Variants in PDGFA observed in about 807,000 individuals in gnomAD.
The protein encoded by PDGFA is platelet derived growth factor subunit A, also known as platelet-derived growth factor subunit A.
A neutral mutation model predicts 25.6 loss-of-function variants in PDGFA; 9 were observed. The ratio of observed to expected loss-of-function variants is 0.35; its 90% CI spans 0.21 to 0.61. The LOEUF (loss-of-function observed/expected upper bound fraction) is 0.61. Among genes scored for constraint, PDGFA ranks in the 20% least tolerant of loss-of-function variants. The pLI, the probability that PDGFA is intolerant of heterozygous loss-of-function variation, is 0.75. For missense variants in PDGFA, 242 were observed against 272.8 expected, an observed-to-expected ratio of 0.89 and a Z score of 0.79; for synonymous variants, 133 against 111.8, an observed-to-expected ratio of 1.19 and a Z score of -1.20.
intron 4 of PDGFA, among the ~76,000 whole-genome samples, chr7:505,555 C>G (rs1180738371): frequency 6.6e-6 from 1 of 152,208 alleles, no homozygotes; most frequent in Non-Finnish European, 1.5e-5. Flanking sequence ...ACGGCCTGAC[C>G]CTTTCAAGGC....
At chr7:513,453 C>A (rs1046175163) in intron 2 of PDGFA, 3 of 152,174 alleles carry the variant, frequency 2.0e-5, no homozygotes, top group African/African-American at 4.8e-5. Context: ...GCGGGTGGCT[C>A]TGGGCCTCCT....
chr7:503,901 G>A (rs185344373), intron 4 of PDGFA, among the ~76,000 whole-genome samples: 63 of 152,264 alleles, frequency 4.1e-4, no homozygotes, highest in African/African-American at 1.5e-3. Flanking sequence ...AAGCGGCCAG[G>A]ACACTGCCGC....
intron 4 of PDGFA, among the ~76,000 whole-genome samples, chr7:501,640 G>A (rs1782344907): frequency 6.6e-6 from 1 of 152,052 alleles, no homozygotes; most frequent in Non-Finnish European, 1.5e-5. Context: ...CGAGGTTGAT[G>A]TTGAACTCCT....
At chr7:518,147 G>C (rs911230772) in intron 1 of PDGFA, among the ~76,000 whole-genome samples, 3 of 152,190 alleles carry the variant, frequency 2.0e-5, no homozygotes, top group Admixed American at 6.5e-5. Context: ...CAGGGAAAGC[G>C]AGGGTTAAAC....
intron 4 of PDGFA, among the ~76,000 whole-genome samples, chr7:503,753 G>C (rs1035189384): frequency 1.3e-5 from 2 of 152,212 alleles, no homozygotes; most frequent in African/African-American, 4.8e-5. Flanking sequence ...GTGTGAAGTG[G>C]TCTGGGCTGC....
chr7:510,058 A>G (rs910791346), intron 4 of PDGFA, among the ~76,000 whole-genome samples: 1 of 152,054 alleles, frequency 6.6e-6, no homozygotes, highest in Non-Finnish European at 1.5e-5. Context: ...TCCTCCTGCC[A>G]TGCACCTCGG....
chr7:518,887 G>T lies in PDGFA; in HGVS notation c.63+52C>A, dbSNP rs952903593. ...GCCCGTGGCGCCCCAGCCGGCGGGG[G>T]GTGTGCGCCGGAGGAGCCGGCGCAG... On this transcript the variant is annotated intron_variant, in intron 1 of 5. Transcript: ENST00000402802. 35 of 1,262,570 alleles carry T rather than the reference G, an allele frequency of 2.8e-5. No homozygotes were observed. The African/African-American group carries it at 4.5e-4, about 16-fold the overall frequency. The allele number at this position is 1,262,570 out of a possible 1,614,324, so 78.2% of individuals were successfully genotyped here.
intron 3 of PDGFA, 78 bp downstream of exon 3, chr7:512,273 C>T: frequency 4.4e-6 from 6 of 1,354,124 alleles, no homozygotes; most frequent in Non-Finnish European, 6.1e-6. Flanking sequence ...CCCCACCCGG[C>T]CCTGCCCTGC....
At chr7:512,302 C>T in intron 3 of PDGFA, 49 bp downstream of exon 3, 1 of 1,545,222 alleles carries the variant, frequency 6.5e-7, no homozygotes, top group South Asian at 1.2e-5. Context: ...GCCTCCTGGA[C>T]TCACCCTGAC....
chr7:519,644 C>T (rs1783280253), upstream of PDGFA, among the ~76,000 whole-genome samples: 2 of 145,396 alleles, frequency 1.4e-5, no homozygotes. Flanking sequence ...CTCCGCTCGC[C>T]GGGGCCGGGC....
At chr7:507,632 C>T (rs183944654) in intron 4 of PDGFA, among the ~76,000 whole-genome samples, 7 of 152,376 alleles carry the variant, frequency 4.6e-5, no homozygotes, top group African/African-American at 1.7e-4. Context: ...AAGCCTCCCC[C>T]AGCACCCAGA....
intron 4 of PDGFA, among the ~76,000 whole-genome samples, chr7:503,695 C>T (rs527297465): frequency 2.6e-5 from 4 of 152,264 alleles, no homozygotes; most frequent in South Asian, 2.1e-4. Flanking sequence ...CAGGCTTGTC[C>T]GAGGCTGAGT....
At chr7:508,583 A>AAAAAAAAAAAAC (rs1782668337) in intron 4 of PDGFA, among the ~76,000 whole-genome samples, 1 of 147,070 alleles carries the variant, frequency 6.8e-6, no homozygotes, top group Non-Finnish European at 1.5e-5. Context: ...AAAAAAAAAA[A>AAAAAAAAAAAAC]AAAAATTCTC....
chr7:502,450 C>T (rs951518789), intron 4 of PDGFA, among the ~76,000 whole-genome samples: 1 of 152,136 alleles, frequency 6.6e-6, no homozygotes, highest in Admixed American at 6.5e-5. Context: ...CTCGGAGAGG[C>T]CTGACCTCGG....
At position 511,333 on chromosome 7, in the gene PDGFA, G is replaced by A. The variant is rs1293641083; in HGVS notation, c.266-337C>T. 2.0e-3 allele frequency among the ~76,000 whole-genome samples: 176 copies of A among 88,482 alleles called. 9 individuals carry two copies. Among genetic ancestry groups the A allele is most frequent in the African/African-American group, 3.3e-3 (56 of 16,806 alleles). The allele number at this position is 88,482 out of a possible 152,430, so 58.0% of individuals were successfully genotyped here. A position where few individuals can be genotyped will look rare whatever the true frequency, so the allele number is the denominator to read the frequency against. On this transcript the variant is annotated intron_variant, in intron 3 of 5. Coordinates refer to ENST00000402802, the Ensembl canonical transcript of PDGFA. ...TAGTCCAGGTGGGGCCAGAGACTGG[G>A]GGTGGGGAGAGGGGAACCTAGTCCA...
intron 2 of PDGFA, among the ~76,000 whole-genome samples, chr7:515,250 A>T (rs1257577439): frequency 3.9e-5 from 6 of 152,244 alleles, no homozygotes; most frequent in South Asian, 4.1e-4. Flanking sequence ...CCCCTTCCTC[A>T]TGAGCCCCTG....
rs565678953 is a variant in PDGFA at position 512,775 on chromosome 7, C to T, written c.161-320G>A. ...GTTGCAGGTGGTCTCCCCTACGGTG[C>T]CTCCTCCAAGGTAGCCCAGGTGAGG... On this transcript the variant is annotated intron_variant, in intron 2 of 5. Coordinates refer to ENST00000402802, the Ensembl canonical transcript of PDGFA. 14 of 814,912 alleles carry T rather than the reference C, an allele frequency of 1.7e-5. No individual in the cohort carries two copies. The South Asian group carries it at 2.2e-4, about 13-fold the overall frequency. The allele number at this position is 814,912 out of a possible 1,614,324, so 50.5% of individuals were successfully genotyped here.
At chr7:515,200 G>C (rs540270862) in intron 2 of PDGFA, among the ~76,000 whole-genome samples, 1 of 152,302 alleles carries the variant, frequency 6.6e-6, no homozygotes, top group African/African-American at 2.4e-5. Context: ...AAGGGACTCC[G>C]AGGGAAAGTT....
Position 500,845 on chromosome 7 carries a change from C to G in PDGFA, c.580+271G>C. On this transcript the variant is annotated intron_variant, in intron 5 of 5. Coordinates refer to ENST00000402802, the Ensembl canonical transcript of PDGFA. The surrounding 1 kb of genome is among the most constrained non-coding windows in gnomAD (Gnocchi z 5.0). ...CGCAGCCCACTAATGAATTGGGTGTCTTATGCACTCCCAGCCCCTCTCAGT... is the reference window on the plus strand; with the variant it reads ...CGCAGCCCACTAATGAATTGGGTGTGTTATGCACTCCCAGCCCCTCTCAGT... The G allele has an allele frequency of 6.6e-7, 1 of 1,513,814 alleles. No individual in the cohort carries two copies. The highest frequency in any genetic ancestry group is 8.8e-7 in the Non-Finnish European group (1 of 1,132,942). 93.8% of individuals were successfully genotyped at this position (1,513,814 alleles called of 1,614,324 possible).
Sources: allele counts gnomAD v4.1 joint callset (sites outside exome capture counted in the v4.1 genomes callset), GRCh38; gene constraint gnomAD v4.1.1; non-coding constraint Gnocchi (gnomAD v3.1); transcripts MANE v1.5; gene names NCBI Gene and HGNC (gene_info 2026-07-23, HGNC 2026-07-21).